Variants in TAFA1 observed in about 807,000 individuals in gnomAD.
TAFA1 encodes chemokine-like protein TAFA-1.
In TAFA1, 4 loss-of-function variants were observed where a neutral mutation model predicts 18.5. That is an observed-to-expected ratio of 0.22 (90% CI 0.11 to 0.49). The LOEUF is 0.49. Among genes scored for constraint, TAFA1 ranks in the 20% least tolerant of loss-of-function variants. The pLI is 0.98. For synonymous variants in TAFA1, 56 were observed against 55.2 expected, an observed-to-expected ratio of 1.01 and a Z score of -0.06; for missense variants, 147 against 169.0, an observed-to-expected ratio of 0.87 and a Z score of 0.72.
intron 3 of TAFA1, among the ~76,000 whole-genome samples, chr3:68,466,184 C>A (rs2071881990): frequency 6.6e-6 from 1 of 152,000 alleles, no homozygotes. Flanking sequence ...CTCGGTAAAG[C>A]ATTATTTATT....
intron 2 of TAFA1, among the ~76,000 whole-genome samples, chr3:68,210,857 G>A (rs1427920856): frequency 1.3e-5 from 2 of 152,000 alleles, no homozygotes; most frequent in East Asian, 3.9e-4. Context: ...GCTTTGTTGG[G>A]TGGTTCCAGC....
chr3:68,401,932 A>T (rs1007145760), intron 2 of TAFA1, among the ~76,000 whole-genome samples: 8 of 152,244 alleles, frequency 5.3e-5, no homozygotes, highest in Admixed American at 1.3e-4. Flanking sequence ...TCTGCTACAG[A>T]GTAGAAATAA....
intron 2 of TAFA1, among the ~76,000 whole-genome samples, chr3:68,115,092 T>A (rs1243811394): frequency 2.0e-5 from 3 of 152,124 alleles, no homozygotes; most frequent in Non-Finnish European, 1.5e-5. Context: ...CTGGTTACAT[T>A]TAGAAGGGAA....
At chr3:68,185,293 G>A (rs892537091) in intron 2 of TAFA1, among the ~76,000 whole-genome samples, 1 of 152,054 alleles carries the variant, frequency 6.6e-6, no homozygotes, top group African/African-American at 2.4e-5. Context: ...CACATTTGGG[G>A]AGCCAACATC....
chr3:68,491,710 A>G (rs929785642), intron 3 of TAFA1, among the ~76,000 whole-genome samples: 5 of 152,168 alleles, frequency 3.3e-5, no homozygotes, highest in Non-Finnish European at 5.9e-5. Context: ...AATTTTAAAA[A>G]AGAGTGGAAA....
chr3:68,407,148 A>C (rs533066407), intron 2 of TAFA1, among the ~76,000 whole-genome samples: 31 of 152,252 alleles, frequency 2.0e-4, no homozygotes, highest in African/African-American at 6.7e-4. Flanking sequence ...CTGGTGAAAA[A>C]AGGGAAAAAA....
At chr3:68,039,707 T>C (rs1411282668) in intron 2 of TAFA1, among the ~76,000 whole-genome samples, 4 of 152,166 alleles carry the variant, frequency 2.6e-5, no homozygotes, top group African/African-American at 9.7e-5. Context: ...TTGGAGGTCA[T>C]TGATGATCTC....
chr3:68,387,808 T>C (rs2070137024), intron 2 of TAFA1, among the ~76,000 whole-genome samples: 1 of 152,176 alleles, frequency 6.6e-6, no homozygotes, highest in Non-Finnish European at 1.5e-5. Context: ...GTGGAGGAAC[T>C]CATGGTTACT....
In TAFA1 at chr3:68,218,148, T is replaced by C. The variant is rs561351163; in HGVS notation, c.119-199132T>C. On this transcript the variant is annotated intron_variant, in intron 2 of 4. Coordinates refer to ENST00000478136, the MANE Select transcript of TAFA1 (RefSeq NM_213609.4). Reference sequence around the variant, plus strand: ...TCCAGGATTAATTCAATGTAGAAAATTCCAGCCTCTCAGGTCACAGTTACA... The same window carrying C: ...TCCAGGATTAATTCAATGTAGAAAACTCCAGCCTCTCAGGTCACAGTTACA... Among the ~76,000 whole-genome samples, 8 of 152,176 alleles carry C rather than the reference T, an allele frequency of 5.3e-5. No individual in the cohort carries two copies. In the South Asian group the frequency reaches 1.7e-3, roughly 32 times the overall value.
At chr3:68,145,493 C>T (rs1451777894) in intron 2 of TAFA1, 2 of 939,596 alleles carry the variant, frequency 2.1e-6, no homozygotes, top group South Asian at 1.3e-5. Flanking sequence ...AATGGTTCTG[C>T]CCAGAAAGCC....
chr3:68,089,264 A>T (rs2065005205), intron 2 of TAFA1, among the ~76,000 whole-genome samples: 2 of 152,200 alleles, frequency 1.3e-5, no homozygotes, highest in African/African-American at 4.8e-5. Flanking sequence ...GAATTTACTT[A>T]TTTGTAAAAT....
intron 2 of TAFA1, among the ~76,000 whole-genome samples, chr3:68,321,499 A>G (rs1183431399): frequency 6.6e-6 from 1 of 152,172 alleles, no homozygotes; most frequent in Non-Finnish European, 1.5e-5. Context: ...AGTACTCAAG[A>G]CCTTTCTTTT....
intron 2 of TAFA1, among the ~76,000 whole-genome samples, chr3:68,370,786 T>TG (rs2069690283): frequency 6.7e-6 from 1 of 148,350 alleles, no homozygotes; most frequent in Non-Finnish European, 1.5e-5. Context: ...CGTTGTTTTT[T>TG]TTTTTTTTTT....
chr3:68,165,056 A>G (rs1434547049), intron 2 of TAFA1, among the ~76,000 whole-genome samples: 1 of 152,244 alleles, frequency 6.6e-6, no homozygotes, highest in East Asian at 1.9e-4. Flanking sequence ...TTTAAGAAGG[A>G]TAAAGTTCAG....
intron 2 of TAFA1, among the ~76,000 whole-genome samples, chr3:68,343,631 G>C (rs933981465): frequency 2.0e-5 from 3 of 152,150 alleles, no homozygotes; most frequent in Non-Finnish European, 4.4e-5. Context: ...CTTGAGATCT[G>C]TTGGGCAGCT....
chr3:68,212,170 A>G (rs1002271604), intron 2 of TAFA1, among the ~76,000 whole-genome samples: 2 of 151,754 alleles, frequency 1.3e-5, no homozygotes, highest in African/African-American at 2.4e-5. Context: ...TGAAGACGGG[A>G]AGCTGCTTGG....
intron 2 of TAFA1, among the ~76,000 whole-genome samples, chr3:68,193,219 G>T (rs949529207): frequency 6.6e-6 from 1 of 151,664 alleles, no homozygotes; most frequent in Admixed American, 6.6e-5. Flanking sequence ...GCTAACTGTG[G>T]TATTTAGGGA....
intron 2 of TAFA1, among the ~76,000 whole-genome samples, chr3:68,216,616 CAT>C (rs1243266564): frequency 6.6e-6 from 1 of 152,066 alleles, no homozygotes; most frequent in East Asian, 1.9e-4. Flanking sequence ...GTGCCCAGAT[CAT>C]AGTTTCCAAT....
intron 2 of TAFA1, among the ~76,000 whole-genome samples, chr3:68,412,064 A>G (rs2070729510): frequency 6.6e-6 from 1 of 152,160 alleles, no homozygotes; most frequent in Non-Finnish European, 1.5e-5. Context: ...AGAGCCTGTT[A>G]TTTAGAGCAA....
Sources: allele counts gnomAD v4.1 joint callset (sites outside exome capture counted in the v4.1 genomes callset), GRCh38; gene constraint gnomAD v4.1.1; transcripts MANE v1.5; gene names NCBI Gene and HGNC (gene_info 2026-07-23, HGNC 2026-07-21).